NBEA: variants seen among roughly 807,000 people sequenced by gnomAD.
NBEA encodes the protein lysosomal-trafficking regulator 2.
NBEA carries 44 observed loss-of-function variants against 343.4 expected under a neutral mutation model. The observed-to-expected ratio is 0.13, with a 90% CI of 0.10 to 0.16. The LOEUF (loss-of-function observed/expected upper bound fraction) is 0.16, where lower values mean the gene tolerates loss of function less well. NBEA is among the 10% of genes least tolerant of loss of function. The probability of loss-of-function intolerance (pLI) is 1.00; values close to 1 mark genes in which losing one functional copy is unlikely to be tolerated. For missense variants in NBEA, 2,555 were observed against 3,631.3 expected (o/e 0.70, Z 7.62); for synonymous variants, 1,175 against 1,238.7 (o/e 0.95, Z 1.08).
Position 35,601,618 on chromosome 13 carries a change from C to G in NBEA, c.7297-4808C>G, listed in dbSNP as rs150362152. Among the ~76,000 whole-genome samples the G allele has an allele frequency of 1.5e-3, 229 of 151,834 alleles. 3 individuals carry two copies. The highest frequency in any genetic ancestry group is 0.01 in the Middle Eastern group (3 of 294). On this transcript the variant is annotated intron_variant, in intron 47 of 58. Coordinates refer to ENST00000379939, the MANE Select transcript of NBEA (RefSeq NM_001385012.1). The stretch of plus-strand genomic sequence containing the variant: ...CTCTACTAAAAATACAAAAATTAGC[C>G]AGGTGTGGTGGCACACGCCTGTAGT...
intron 33 of NBEA, among the ~76,000 whole-genome samples, chr13:35,224,549 G>A (rs1204356075): frequency 6.6e-6 from 1 of 151,998 alleles, no homozygotes; most frequent in African/African-American, 2.4e-5. Flanking sequence ...CTTTTGATAA[G>A]TCCATTGAAG....
intron 11 of NBEA, among the ~76,000 whole-genome samples, chr13:35,105,090 C>A (rs1424741625): frequency 2.0e-5 from 3 of 151,866 alleles, no homozygotes; most frequent in African/African-American, 7.3e-5. Flanking sequence ...TTTAGCATAA[C>A]CCAAAGAGAA....
intron 41 of NBEA, among the ~76,000 whole-genome samples, chr13:35,518,954 A>G (rs948027844): frequency 6.6e-6 from 1 of 152,202 alleles, no homozygotes; most frequent in Non-Finnish European, 1.5e-5. Flanking sequence ...GTAGAACATG[A>G]CAAATAGAAT....
At chr13:35,553,641 T>A (rs1295786702) in intron 43 of NBEA, among the ~76,000 whole-genome samples, 1 of 152,208 alleles carries the variant, frequency 6.6e-6, no homozygotes, top group Non-Finnish European at 1.5e-5. Flanking sequence ...GATAATCTTT[T>A]GTGCTATGTA....
At chr13:35,163,920 G>C (rs553534620) in intron 23 of NBEA, among the ~76,000 whole-genome samples, 1 of 151,862 alleles carries the variant, frequency 6.6e-6, no homozygotes, top group Non-Finnish European at 1.5e-5. Context: ...TTAGGTTTTC[G>C]GTTTCAAATT....
intron 34 of NBEA, among the ~76,000 whole-genome samples, chr13:35,255,044 G>A (rs955575485): frequency 6.6e-6 from 1 of 152,034 alleles, no homozygotes; most frequent in Non-Finnish European, 1.5e-5. Flanking sequence ...AAAATAAAAT[G>A]CGATTTTGTT....
rs760477189 is a variant in NBEA, at chr13:35,475,079, T to G, written c.6585+2543T>G. ...ATCCTCTAAAGTTTTTCCAAACTTT[T>G]CGGGTTGGTCAGGATCTCTCTTGCC... On this transcript the variant is annotated intron_variant, in intron 41 of 58. Coordinates refer to ENST00000379939, the MANE Select transcript of NBEA (RefSeq NM_001385012.1). 2.5e-6 allele frequency: 4 copies of G among 1,612,448 alleles called. No homozygotes were observed. The South Asian group carries it at 4.4e-5, about 18-fold the overall frequency.
At chr13:35,471,622 T>C (rs1458399530) in intron 40 of NBEA, among the ~76,000 whole-genome samples, 1 of 152,140 alleles carries the variant, frequency 6.6e-6, no homozygotes, top group Non-Finnish European at 1.5e-5. Flanking sequence ...CCTTAACAGA[T>C]TGAGGGAATT....
At chr13:35,654,774 A>C (rs1389427363) in intron 53 of NBEA, 81 bp from the exon 54 acceptor site, 2 of 1,082,550 alleles carry the variant, frequency 1.8e-6, no homozygotes, top group Non-Finnish European at 2.6e-6. Flanking sequence ...TGAAGCATGA[A>C]AGTATTGTTT....
At chr13:35,305,536 G>C (rs911892799) in intron 35 of NBEA, among the ~76,000 whole-genome samples, 2 of 152,128 alleles carry the variant, frequency 1.3e-5, no homozygotes, top group African/African-American at 4.8e-5. Context: ...TATGGGCAAA[G>C]GGACATGTGT....
At position 35,159,152 on chromosome 13, in the gene NBEA, C is replaced by A; in HGVS notation, c.2981C>A (p.Ala994Glu). ...GGTCTTTCATCACAGACAACAGGAG[C>A]AAAAGGTGGAATGGAAATTCGAGAG... ...ISGLSSQTTG[A>E]KGGMEIREIE... The change falls in exon 22 of 59, where the codon GCA (alanine) becomes GAA (glutamate). Residue 994 changes from alanine to glutamate, a missense_variant. Physicochemically the swap from Ala to Glu is moderately radical, Grantham distance 107 (BLOSUM62 -1). Around this residue, in one of 21 missense-constraint regions of NBEA, gnomAD observed 367 missense variants for 377.5 expected, o/e 0.97. Transcript: ENST00000379939. 1 of 1,613,406 alleles carries A rather than the reference C, an allele frequency of 6.2e-7. No homozygotes were observed. The highest frequency in any genetic ancestry group is 8.5e-7 in the Non-Finnish European group (1 of 1,179,588).
At chr13:34,969,260 G>A (rs2059922646) in intron 1 of NBEA, among the ~76,000 whole-genome samples, 2 of 151,470 alleles carry the variant, frequency 1.3e-5, no homozygotes, top group African/African-American at 2.4e-5. Flanking sequence ...TTAGAAATTC[G>A]ACACTTACTG....
intron 40 of NBEA, among the ~76,000 whole-genome samples, chr13:35,458,808 C>T (rs1400747150): frequency 6.6e-6 from 1 of 151,988 alleles, no homozygotes; most frequent in Non-Finnish European, 1.5e-5. Flanking sequence ...CAAAATACCG[C>T]ACCTACTGTT....
intron 41 of NBEA, among the ~76,000 whole-genome samples, chr13:35,481,881 C>A (rs2152967278): frequency 6.6e-6 from 1 of 151,802 alleles, no homozygotes; most frequent in Non-Finnish European, 1.5e-5. Context: ...AATATGCTAT[C>A]TTTTTATTGC....
At chr13:35,317,204 G>C (rs2037799969) in intron 36 of NBEA, among the ~76,000 whole-genome samples, 1 of 152,188 alleles carries the variant, frequency 6.6e-6, no homozygotes, top group Non-Finnish European at 1.5e-5. Flanking sequence ...GTCCTGAAAG[G>C]CATTGCCTAG....
intron 1 of NBEA, among the ~76,000 whole-genome samples, chr13:34,978,727 CT>C (rs1294692030): frequency 6.6e-6 from 1 of 152,096 alleles, no homozygotes; most frequent in African/African-American, 2.4e-5. Flanking sequence ...TCAATGAACC[CT>C]TTTGAGTAAA....
intron 1 of NBEA, among the ~76,000 whole-genome samples, chr13:34,952,712 A>G (rs973094908): frequency 6.6e-6 from 1 of 152,190 alleles, no homozygotes; most frequent in Non-Finnish European, 1.5e-5. Context: ...ATTGGTTAAT[A>G]GCAAATTTTA....
chr13:35,403,648 G>A (rs7331400), intron 38 of NBEA, among the ~76,000 whole-genome samples: 111,508 of 151,704 alleles, frequency 0.74, 43,259 homozygotes, highest in Non-Finnish European at 0.85. Context: ...AAACCATAAA[G>A]TCCCTAGAAG....
chr13:35,069,921 T>C lies in NBEA; in HGVS notation c.1253T>C (p.Phe418Ser). ...TTATTTTTTCAGAGTACCTTCAAGT[T>C]TAAATCTGAGAGTGATATTCATTTG... ...LGPGYKSTFK[F>S]KSESDIHLAE... is the part of the protein sequence containing the mutation. Residue 418 changes from phenylalanine to serine, a missense_variant, in exon 9 of 59, where the codon TTT becomes TCT. Phe to Ser is a radical substitution (Grantham distance 155). Around this residue, in one of 21 missense-constraint regions of NBEA, gnomAD observed 75 missense variants for 237.4 expected, o/e 0.32. Coordinates refer to ENST00000379939, the MANE Select transcript of NBEA (RefSeq NM_001385012.1). The C allele has an allele frequency of 6.3e-7, 1 of 1,581,092 alleles. No individual in the cohort carries two copies. The highest frequency in any genetic ancestry group is 1.2e-5 in the South Asian group (1 of 85,994).
Sources: gnomAD v4.1 joint callset for allele counts (sites outside exome capture counted in the v4.1 genomes callset) on GRCh38, gnomAD v4.1.1 for gene constraint, gnomAD v4.1.1 regional missense constraint, MANE v1.5 for transcripts, NCBI Gene and HGNC (gene_info 2026-07-23, HGNC 2026-07-21) for gene names.